Variants in CHODL observed in about 807,000 individuals in gnomAD.
The protein encoded by CHODL is transmembrane protein MT75.
CHODL carries 29 observed loss-of-function variants against 34.5 expected under a neutral mutation model. The ratio of observed to expected loss-of-function variants is 0.84; its 90% CI spans 0.63 to 1.15. The LOEUF is 1.15. CHODL is among the 50% of genes most tolerant of loss of function. The pLI, the probability that CHODL is intolerant of heterozygous loss-of-function variation, is 0.00. For synonymous variants in CHODL, 125 were observed against 116.1 expected (o/e 1.08, Z -0.49); for missense variants, 332 against 332.5 (o/e 1.00, Z 0.01).
At chr21:18,094,957 C>T (rs1212039519) in intron 2 of CHODL, among the ~76,000 whole-genome samples, 1 of 151,870 alleles carries the variant, frequency 6.6e-6, no homozygotes, top group Non-Finnish European at 1.5e-5. Flanking sequence ...AACCCCATCT[C>T]TACTAAAAAT....
intron 2 of CHODL, among the ~76,000 whole-genome samples, chr21:18,229,021 G>T (rs1214550112): frequency 6.6e-6 from 1 of 152,100 alleles, no homozygotes; most frequent in African/African-American, 2.4e-5. Flanking sequence ...TTGAACTCAT[G>T]AGGTCAATAA....
chr21:18,215,794 A>G (rs1010691412), intron 2 of CHODL, among the ~76,000 whole-genome samples: 8 of 152,164 alleles, frequency 5.3e-5, no homozygotes, highest in African/African-American at 1.7e-4. Context: ...CTGAAGAGGC[A>G]TACATCTGGA....
At chr21:18,156,308 T>G (rs1336120268) in intron 2 of CHODL, among the ~76,000 whole-genome samples, 2 of 152,218 alleles carry the variant, frequency 1.3e-5, no homozygotes, top group Non-Finnish European at 2.9e-5. Context: ...ATTTTTTCAG[T>G]GTGATTCAAT....
At chr21:18,017,205 G>A (rs1600899318) in intron 1 of CHODL, among the ~76,000 whole-genome samples, 1 of 152,120 alleles carries the variant, frequency 6.6e-6, no homozygotes, top group African/African-American at 2.4e-5. Flanking sequence ...AGGGGGCAGG[G>A]GTGGAGTGAT....
Position 17,942,509 on chromosome 21 carries a change from T to A in CHODL, c.-145+25109T>A, listed in dbSNP as rs144248343. 3.2e-3 allele frequency among the ~76,000 whole-genome samples: 481 copies of A among 152,322 alleles called. 3 individuals carry two copies. The highest frequency in any genetic ancestry group is 0.017 in the East Asian group (90 of 5,192). ...ACATGGAACTGTGAGTCCATTAAAC[T>A]TCTTTCTTTTGTAAATTGCCCAGTC... is the stretch of plus-strand genomic sequence containing the variant. On this transcript the variant is annotated intron_variant, in intron 1 of 6. Transcript: ENST00000400127.
intron 2 of CHODL, among the ~76,000 whole-genome samples, chr21:18,058,336 A>T (rs204013): frequency 6.6e-6 from 1 of 151,980 alleles, no homozygotes; most frequent in South Asian, 2.1e-4. Context: ...ATGATCCAGC[A>T]ATCCAACTAT....
Position 17,964,048 on chromosome 21 carries a change from G to C in CHODL, c.-145+46648G>C, listed in dbSNP as rs577114536. On this transcript the variant is annotated intron_variant, in intron 1 of 6. Transcript: ENST00000400127. Reference sequence around the variant, plus strand: ...TAATCATACCCTATTATTTGTCTTTGACTGTGAAACTATTTAATCAAGAGA... The same window carrying C: ...TAATCATACCCTATTATTTGTCTTTCACTGTGAAACTATTTAATCAAGAGA... Among the ~76,000 whole-genome samples the C allele has an allele frequency of 3.3e-5, 5 of 152,108 alleles. No individual in the cohort carries two copies. The South Asian group carries it at 1.0e-3, about 32-fold the overall frequency.
At chr21:18,193,903 C>A (rs1483981129) in intron 2 of CHODL, among the ~76,000 whole-genome samples, 1 of 151,804 alleles carries the variant, frequency 6.6e-6, no homozygotes, top group Non-Finnish European at 1.5e-5. Context: ...AGAAACCTGC[C>A]CCCCCTTGGT....
intron 2 of CHODL, among the ~76,000 whole-genome samples, chr21:18,218,197 T>C (rs951265276): frequency 6.6e-6 from 1 of 152,234 alleles, no homozygotes; most frequent in Non-Finnish European, 1.5e-5. Flanking sequence ...CCTTCCACAC[T>C]GACCTAGCAG....
At chr21:18,188,503 A>T (rs372698170) in intron 2 of CHODL, among the ~76,000 whole-genome samples, 58 of 152,360 alleles carry the variant, frequency 3.8e-4, no homozygotes, top group African/African-American at 1.3e-3. Context: ...GATTCAAACA[A>T]AATAGAAATC....
intron 1 of CHODL, among the ~76,000 whole-genome samples, chr21:17,935,160 A>C (rs1356017128): frequency 6.6e-6 from 1 of 152,150 alleles, no homozygotes; most frequent in Non-Finnish European, 1.5e-5. Context: ...GGCAACACCC[A>C]CACCACCACC....
intron 1 of CHODL, among the ~76,000 whole-genome samples, chr21:18,002,178 G>C (rs1305204607): frequency 6.6e-6 from 1 of 152,142 alleles, no homozygotes; most frequent in African/African-American, 2.4e-5. Context: ...TAATGCATCA[G>C]TTTATGATTC....
chr21:18,239,447 T>C (rs1042494173), intron 2 of CHODL, among the ~76,000 whole-genome samples: 6 of 152,106 alleles, frequency 3.9e-5, no homozygotes, highest in African/African-American at 1.4e-4. Context: ...TTGGTTTTTT[T>C]CCGTTAAATT....
chr21:18,212,076 G>A (rs2073780192), intron 2 of CHODL, among the ~76,000 whole-genome samples: 1 of 152,214 alleles, frequency 6.6e-6, no homozygotes, highest in African/African-American at 2.4e-5. Flanking sequence ...TTGGGGATGG[G>A]AATGGTCATT....
In CHODL at chr21:18,267,323, G is replaced by A. The variant is rs748772996; in HGVS notation, c.*1285G>A. 6.6e-6 allele frequency: 1 copy of A among 152,176 alleles called. No individual in the cohort carries two copies. Among genetic ancestry groups the A allele is most frequent in the South Asian group, 2.1e-4 (1 of 4,830 alleles). The allele number at this position is 152,176 out of a possible 1,614,324, so 9.4% of individuals were successfully genotyped here. The stretch of plus-strand genomic sequence containing the variant: ...AGTTGTAACTCTCTGGTCTTCATAT[G>A]TCCCTGTGCTCCTTTTAACCAAATA... On this transcript the variant is annotated 3_prime_UTR_variant, in exon 6 of 6. Coordinates refer to ENST00000299295, the MANE Select transcript of CHODL (RefSeq NM_024944.3).
intron 2 of CHODL, among the ~76,000 whole-genome samples, chr21:18,150,725 A>G (rs2072954033): frequency 6.6e-6 from 1 of 152,178 alleles, no homozygotes; most frequent in African/African-American, 2.4e-5. Flanking sequence ...TCCCCAAGAC[A>G]GGCCATAGAA....
chr21:18,119,225 C>T (rs1268173452), intron 2 of CHODL, among the ~76,000 whole-genome samples: 1 of 151,630 alleles, frequency 6.6e-6, no homozygotes, highest in African/African-American at 2.4e-5. Flanking sequence ...GCCCTTTCAA[C>T]CCCTTCCTCA....
chr21:18,009,339 C>T (rs995548958), intron 1 of CHODL, among the ~76,000 whole-genome samples: 2 of 151,804 alleles, frequency 1.3e-5, no homozygotes, highest in African/African-American at 2.4e-5. Flanking sequence ...TTAAAGGAAA[C>T]GAAAAATAAA....
chr21:18,232,945 ATATATATATATATATATATATATATATG>A (rs2073994894), intron 2 of CHODL, among the ~76,000 whole-genome samples: 1 of 69,670 alleles, frequency 1.4e-5, no homozygotes, highest in African/African-American at 4.7e-5. Flanking sequence ...ATGTTATGAT[ATATATATATATATATATATATATATATG>A]TATATATATG....
Sources: gnomAD v4.1 joint callset for allele counts (sites outside exome capture counted in the v4.1 genomes callset) on GRCh38, gnomAD v4.1.1 for gene constraint, MANE v1.5 for transcripts, NCBI Gene and HGNC (gene_info 2026-07-23, HGNC 2026-07-21) for gene names.